HRK: variants seen among roughly 807,000 people sequenced by gnomAD.
HRK encodes the protein activator of apoptosis harakiri.
Under a neutral mutation model 5.9 loss-of-function variants are expected in HRK, and 6 were observed. That is an observed-to-expected ratio of 1.02 (90% CI 0.56 to 2.01). The LOEUF (loss-of-function observed/expected upper bound fraction) is 2.01. HRK is among the 30% of genes most tolerant of loss of function. The probability of loss-of-function intolerance (pLI) is 0.00; values close to 1 mark genes in which losing one functional copy is unlikely to be tolerated. For synonymous variants in HRK, 85 were observed against 65.1 expected (o/e 1.31, Z -1.47); for missense variants, 133 against 128.3 (o/e 1.04, Z -0.18).
In HRK at chr12:116,862,871, G is replaced by A. The variant is rs1446471501; in HGVS notation, c.*57-1405C>T. ...CCTGCCTCAGCCTCCCAAGTAGCTGGGACTACAGGTGCATGCCATCATGCC... is the reference window on the plus strand; with the variant it reads ...CCTGCCTCAGCCTCCCAAGTAGCTGAGACTACAGGTGCATGCCATCATGCC... On this transcript the variant is annotated intron_variant, in intron 1 of 1. Coordinates refer to ENST00000257572, the MANE Select transcript of HRK (RefSeq NM_003806.4). This position sits in a 1 kb window ranked among gnomAD's most constrained non-coding sequence, Gnocchi z 4.0. Among the ~76,000 whole-genome samples the A allele has an allele frequency of 6.6e-6, 1 of 152,126 alleles. No homozygotes were observed. Among genetic ancestry groups the A allele is most frequent in the East Asian group, 1.9e-4 (1 of 5,170 alleles).
chr12:116,859,654 T>C lies in HRK; in HGVS notation c.*1869A>G, dbSNP rs1878287103. On this transcript the variant is annotated 3_prime_UTR_variant, in exon 2 of 2. Coordinates refer to ENST00000257572, the MANE Select transcript of HRK (RefSeq NM_003806.4). ...ATTATTCTTCTTTTTTTTTTTTTGGTTTGCTGAGTTCAAAGCTGCGGGGTG... is the reference window on the plus strand; with the variant it reads ...ATTATTCTTCTTTTTTTTTTTTTGGCTTGCTGAGTTCAAAGCTGCGGGGTG... 1 of 136,134 alleles carries C rather than the reference T, an allele frequency of 7.3e-6. No individual in the cohort carries two copies. The highest frequency in any genetic ancestry group is 1.7e-5 in the Non-Finnish European group (1 of 60,262). The allele number at this position is 136,134 out of a possible 1,614,324, so 8.4% of individuals were successfully genotyped here.
At chr12:116,863,448 C>T (rs1878434786) in intron 1 of HRK, among the ~76,000 whole-genome samples, 1 of 152,178 alleles carries the variant, frequency 6.6e-6, no homozygotes, top group Non-Finnish European at 1.5e-5. Flanking sequence ...GGAATAGCTC[C>T]CCTCTATGGC....
intron 1 of HRK, among the ~76,000 whole-genome samples, chr12:116,871,837 T>A (rs1361010915): frequency 1.3e-5 from 2 of 151,922 alleles, no homozygotes; most frequent in African/African-American, 4.8e-5. Context: ...TCTCACTTTG[T>A]TGCCCTGGCT....
rs1240232508 is a variant in HRK at position 116,857,635 on chromosome 12, CATA to C, written c.*3885_*3887del. 2 of 152,158 alleles carry C rather than the reference CATA, an allele frequency of 1.3e-5. No individual in the cohort carries two copies. Among genetic ancestry groups the C allele is most frequent in the Non-Finnish European group, 2.9e-5 (2 of 68,040 alleles). The allele number at this position is 152,158 out of a possible 1,614,324, so 9.4% of individuals were successfully genotyped here. A position where few individuals can be genotyped will look rare whatever the true frequency, so the allele number is the denominator to read the frequency against. ...AGTGATATTTTATCACTGTCAGAAA[CATA>C]ATAATAGGAGAACATGAGATCAGCT... is the stretch of plus-strand genomic sequence containing the variant. On this transcript the variant is annotated 3_prime_UTR_variant, in exon 2 of 2. Coordinates refer to ENST00000257572, the MANE Select transcript of HRK (RefSeq NM_003806.4).
intron 1 of HRK, among the ~76,000 whole-genome samples, chr12:116,873,557 G>A (rs1437082646): frequency 1.3e-5 from 2 of 151,262 alleles, no homozygotes; most frequent in Non-Finnish European, 2.9e-5. Context: ...ATTTTTTGTA[G>A]AGATGGGGTC....
rs1878269599 is a variant in HRK at position 116,859,283 on chromosome 12, TCTC to T, written c.*2237_*2239del. On this transcript the variant is annotated 3_prime_UTR_variant, in exon 2 of 2. Transcript: ENST00000257572. The stretch of plus-strand genomic sequence containing the variant: ...AAAGGGATCCTCTCACCTTTCATCT[TCTC>T]CTGTGTCTACAGGTGGTCAGCATGC... 1 of 152,152 alleles carries T rather than the reference TCTC, an allele frequency of 6.6e-6. No individual in the cohort carries two copies. Among genetic ancestry groups the T allele is most frequent in the African/African-American group, 2.4e-5 (1 of 41,430 alleles). The allele number at this position is 152,152 out of a possible 1,614,324, so 9.4% of individuals were successfully genotyped here. A position where few individuals can be genotyped will look rare whatever the true frequency, so the allele number is the denominator to read the frequency against.
chr12:116,872,923 GA>G (rs751855984), intron 1 of HRK, among the ~76,000 whole-genome samples: 72,003 of 135,138 alleles, frequency 0.53, 21,864 homozygotes, highest in Admixed American at 0.67. Flanking sequence ...AAGGAAGAAA[GA>G]AAGGAAAGAG....
rs1286156652 is a variant in HRK at position 116,862,664 on chromosome 12, T to C, written c.*57-1198A>G. ...GTGAAGATGGCTGCAAAATTCTATG[T>C]ATACTCCTCATCATTGACTTGTACA... On this transcript the variant is annotated intron_variant, in intron 1 of 1. Coordinates refer to ENST00000257572, the MANE Select transcript of HRK (RefSeq NM_003806.4). This position sits in a 1 kb window ranked among gnomAD's most constrained non-coding sequence, Gnocchi z 4.0. 6.6e-6 allele frequency among the ~76,000 whole-genome samples: 1 copy of C among 152,212 alleles called. No individual in the cohort carries two copies. Among genetic ancestry groups the C allele is most frequent in the East Asian group, 1.9e-4 (1 of 5,190 alleles).
intron 1 of HRK, chr12:116,869,688 A>G (rs184354561): frequency 6.6e-6 from 1 of 152,204 alleles, no homozygotes; most frequent in South Asian, 2.1e-4. Context: ...TGAGGAAGAT[A>G]CACAGTTACC....
chr12:116,871,008 T>C (rs993799325), intron 1 of HRK, among the ~76,000 whole-genome samples: 1 of 152,214 alleles, frequency 6.6e-6, no homozygotes, highest in African/African-American at 2.4e-5. Flanking sequence ...AACCTCTGCC[T>C]CCTGGGTTCA....
In HRK at chr12:116,857,516, C is replaced by T. The variant is rs1433623876; in HGVS notation, c.*4007G>A. 1 of 152,112 alleles carries T rather than the reference C, an allele frequency of 6.6e-6. No individual in the cohort carries two copies. Among genetic ancestry groups the T allele is most frequent in the African/African-American group, 2.4e-5 (1 of 41,418 alleles). The allele number at this position is 152,112 out of a possible 1,614,324, so 9.4% of individuals were successfully genotyped here. Reference sequence around the variant, plus strand: ...TGCAACTTGTAATATCAGGTGGACACTCAAAAAGTCCACAATGGTGAGCCA... The same window carrying T: ...TGCAACTTGTAATATCAGGTGGACATTCAAAAAGTCCACAATGGTGAGCCA... On this transcript the variant is annotated 3_prime_UTR_variant, in exon 2 of 2. Coordinates refer to ENST00000257572, the MANE Select transcript of HRK (RefSeq NM_003806.4).
intron 1 of HRK, among the ~76,000 whole-genome samples, chr12:116,874,754 G>A (rs1878873104): frequency 6.6e-6 from 1 of 152,166 alleles, no homozygotes; most frequent in African/African-American, 2.4e-5. Context: ...TCAGAATCCG[G>A]CTGCCATGCT....
chr12:116,865,975 T>C (rs1878530388), intron 1 of HRK, among the ~76,000 whole-genome samples: 1 of 151,840 alleles, frequency 6.6e-6, no homozygotes, highest in African/African-American at 2.4e-5. Context: ...CTGGCCAACA[T>C]GGTAAAACCC....
At chr12:116,868,222 T>C (rs935867679) in intron 1 of HRK, among the ~76,000 whole-genome samples, 3 of 151,792 alleles carry the variant, frequency 2.0e-5, no homozygotes, top group Non-Finnish European at 4.4e-5. Context: ...TCCTGAGTAA[T>C]GGGCACTACA....
chr12:116,869,947 G>T (rs987672609), intron 1 of HRK, among the ~76,000 whole-genome samples: 1 of 152,146 alleles, frequency 6.6e-6, no homozygotes, highest in African/African-American at 2.4e-5. Flanking sequence ...GGGCGTGGTG[G>T]TGGGCACCTG....
chr12:116,880,468 G>A (rs12311024), intron 1 of HRK, among the ~76,000 whole-genome samples: 3,791 of 152,284 alleles, frequency 0.025, 160 homozygotes, highest in African/African-American at 0.087. Context: ...CAGATAATGG[G>A]GATCAGAGAT....
In HRK at chr12:116,861,323, A is replaced by T. The variant is rs1201727803; in HGVS notation, c.*200T>A. The T allele has an allele frequency of 6.6e-6, 1 of 152,166 alleles. No homozygotes were observed. The highest frequency in any genetic ancestry group is 6.6e-5 in the Admixed American group (1 of 15,264). The allele number at this position is 152,166 out of a possible 1,614,324, so 9.4% of individuals were successfully genotyped here. A position where few individuals can be genotyped will look rare whatever the true frequency, so the allele number is the denominator to read the frequency against. On this transcript the variant is annotated 3_prime_UTR_variant, in exon 2 of 2. Coordinates refer to ENST00000257572, the MANE Select transcript of HRK (RefSeq NM_003806.4). The stretch of plus-strand genomic sequence containing the variant: ...ATTTCCAAAGGGCTTCCCCAGTCCC[A>T]TTCTGTGTTTCTACGATCGCTCCAG...
intron 1 of HRK, among the ~76,000 whole-genome samples, chr12:116,875,563 A>G (rs1441807830): frequency 6.6e-6 from 1 of 152,098 alleles, no homozygotes; most frequent in Non-Finnish European, 1.5e-5. Flanking sequence ...TTTTTGTAAC[A>G]GAGTCTCACT....
chr12:116,879,875 A>C lies in HRK; in HGVS notation c.*56+1101T>G, dbSNP rs1353306376. On this transcript the variant is annotated intron_variant, in intron 1 of 1. Coordinates refer to ENST00000257572, the MANE Select transcript of HRK (RefSeq NM_003806.4). This position sits in a 1 kb window ranked among gnomAD's most constrained non-coding sequence, Gnocchi z 5.6. ...GGCGGGGACCTAAGGGCGGCTGGCT[A>C]TGTCACCTTCGAGCTTCACCTTCCG... Among the ~76,000 whole-genome samples, 1 of 152,076 alleles carries C rather than the reference A, an allele frequency of 6.6e-6. No homozygotes were observed. Among genetic ancestry groups the C allele is most frequent in the African/African-American group, 2.4e-5 (1 of 41,422 alleles).
Sources: gnomAD v4.1 joint callset for allele counts (sites outside exome capture counted in the v4.1 genomes callset) on GRCh38, gnomAD v4.1.1 for gene constraint, Gnocchi (gnomAD v3.1) non-coding constraint, MANE v1.5 for transcripts, NCBI Gene and HGNC (gene_info 2026-07-23, HGNC 2026-07-21) for gene names.